Variants in LPAR1 observed in about 807,000 individuals in gnomAD.
LPAR1 encodes the protein LPA receptor 1.
A neutral mutation model predicts 23.8 loss-of-function variants in LPAR1; 5 were observed. That is an observed-to-expected ratio of 0.21 (90% CI 0.11 to 0.44). The LOEUF (loss-of-function observed/expected upper bound fraction) is 0.44, where lower values mean the gene tolerates loss of function less well. Among genes scored for constraint, LPAR1 ranks in the 20% least tolerant of loss-of-function variants. LPAR1 has a pLI of 0.99. For synonymous variants in LPAR1, 160 were observed against 164.7 expected (o/e 0.97, Z 0.22); for missense variants, 311 against 482.8 (o/e 0.64, Z 3.33).
intron 4 of LPAR1, among the ~76,000 whole-genome samples, chr9:110,961,240 G>A (rs572037439): frequency 6.7e-6 from 1 of 149,198 alleles, no homozygotes; most frequent in Non-Finnish European, 1.5e-5. Context: ...GCCAAATGTG[G>A]TCCTAAGACT....
At chr9:110,973,790 A>G (rs2096488254) in intron 2 of LPAR1, among the ~76,000 whole-genome samples, 1 of 152,212 alleles carries the variant, frequency 6.6e-6, no homozygotes, top group Admixed American at 6.5e-5. Flanking sequence ...TTAAGAAAAT[A>G]ATTTTTAAAA....
At chr9:110,896,347 G>A (rs2086327910) in intron 5 of LPAR1, among the ~76,000 whole-genome samples, 1 of 152,086 alleles carries the variant, frequency 6.6e-6, no homozygotes, top group Non-Finnish European at 1.5e-5. Context: ...AAGTTTTGAG[G>A]TGCAATTACA....
At chr9:111,017,479 T>A (rs1309737263) in intron 2 of LPAR1, among the ~76,000 whole-genome samples, 1 of 152,232 alleles carries the variant, frequency 6.6e-6, no homozygotes, top group Non-Finnish European at 1.5e-5. Flanking sequence ...AAGCTCACTT[T>A]ATTTCCCCAA....
chr9:110,920,602 A>C (rs1288884495), intron 5 of LPAR1, among the ~76,000 whole-genome samples: 1 of 152,148 alleles, frequency 6.6e-6, no homozygotes, highest in Non-Finnish European at 1.5e-5. Flanking sequence ...CTTTTGAAAT[A>C]CTAAAGGCAA....
intron 2 of LPAR1, among the ~76,000 whole-genome samples, chr9:111,028,962 C>A (rs1350696544): frequency 6.6e-6 from 1 of 152,030 alleles, no homozygotes; most frequent in Non-Finnish European, 1.5e-5. Flanking sequence ...TTTTGTTCAC[C>A]CCAGTGGGTA....
intron 4 of LPAR1, among the ~76,000 whole-genome samples, chr9:110,944,153 C>T (rs1330907276): frequency 6.6e-6 from 1 of 152,144 alleles, no homozygotes; most frequent in African/African-American, 2.4e-5. Context: ...TGATTGCTGA[C>T]ATAACCCGCA....
At chr9:110,957,126 G>T (rs2095785266) in intron 4 of LPAR1, among the ~76,000 whole-genome samples, 1 of 151,912 alleles carries the variant, frequency 6.6e-6, no homozygotes, top group Non-Finnish European at 1.5e-5. Flanking sequence ...CCAGAATTTT[G>T]GGAGGTCAAG....
At position 110,875,174 on chromosome 9, in the gene LPAR1, T is replaced by C. The variant is rs1026440202; in HGVS notation, c.*247A>G. 3.4e-5 allele frequency: 14 copies of C among 409,234 alleles called. No homozygotes were observed. The highest frequency in any genetic ancestry group is 2.0e-4 in the African/African-American group (10 of 50,248). The allele number at this position is 409,234 out of a possible 1,614,324, so 25.4% of individuals were successfully genotyped here. On this transcript the variant is annotated 3_prime_UTR_variant, in exon 6 of 6. Coordinates refer to ENST00000683809, the MANE Select transcript of LPAR1 (RefSeq NM_001351411.2). ...CTCCAGAGTCTGTTCTTGAATTCCA[T>C]TGCAAGAGCTCCAACTTCCTACTTT...
chr9:110,880,083 C>T (rs573900), intron 5 of LPAR1, among the ~76,000 whole-genome samples: 56,315 of 151,990 alleles, frequency 0.37, 10,748 homozygotes, highest in East Asian at 0.55. Flanking sequence ...TCTCACAGCA[C>T]GCTGAACAAA....
chr9:111,019,238 T>A (rs1471507570), intron 2 of LPAR1, among the ~76,000 whole-genome samples: 2 of 152,156 alleles, frequency 1.3e-5, no homozygotes, highest in African/African-American at 4.8e-5. Flanking sequence ...TTGGGAAGAT[T>A]GCTTGAGCCC....
Position 110,874,538 on chromosome 9 carries a change from T to C in LPAR1, c.*883A>G, listed in dbSNP as rs1352199795. 1 of 152,584 alleles carries C rather than the reference T, an allele frequency of 6.6e-6. No homozygotes were observed. The highest frequency in any genetic ancestry group is 2.4e-5 in the African/African-American group (1 of 41,446). The allele number at this position is 152,584 out of a possible 1,614,324, so 9.5% of individuals were successfully genotyped here. On this transcript the variant is annotated 3_prime_UTR_variant, in exon 6 of 6. Transcript: ENST00000683809. Reference sequence around the variant, plus strand: ...CATTTTTCAAGTTTTCTATGATGAGTATATTATTTTACAAAGACTACGAAA... The same window carrying C: ...CATTTTTCAAGTTTTCTATGATGAGCATATTATTTTACAAAGACTACGAAA...
At chr9:111,020,086 G>T (rs2141030884) in intron 2 of LPAR1, among the ~76,000 whole-genome samples, 1 of 152,110 alleles carries the variant, frequency 6.6e-6, no homozygotes, top group South Asian at 2.1e-4. Flanking sequence ...ATCAGATTAG[G>T]ACCCCACACT....
intron 4 of LPAR1, among the ~76,000 whole-genome samples, chr9:110,967,542 G>A (rs1004904548): frequency 9.2e-5 from 14 of 152,142 alleles, no homozygotes; most frequent in African/African-American, 3.4e-4. Flanking sequence ...CTTAGAAAAG[G>A]ATTTTCAGGC....
intron 2 of LPAR1, among the ~76,000 whole-genome samples, chr9:111,028,675 A>G (rs2097744968): frequency 1.3e-5 from 2 of 150,914 alleles, no homozygotes; most frequent in South Asian, 4.2e-4. Flanking sequence ...ACTTTTTAGT[A>G]GGCAACTAAA....
intron 5 of LPAR1, among the ~76,000 whole-genome samples, chr9:110,898,551 A>G (rs2087328606): frequency 6.6e-6 from 1 of 152,194 alleles, no homozygotes. Context: ...AAATGTTTCA[A>G]AAGTTGCAAG....
chr9:110,903,882 CA>C (rs61456167), intron 5 of LPAR1, among the ~76,000 whole-genome samples: 2,483 of 76,964 alleles, frequency 0.032, 21 homozygotes, highest in African/African-American at 0.1. Flanking sequence ...AAGTGAATTG[CA>C]AAAAAAAAAA....
intron 5 of LPAR1, among the ~76,000 whole-genome samples, chr9:110,908,954 A>G (rs2091915782): frequency 6.6e-6 from 1 of 152,134 alleles, no homozygotes. Flanking sequence ...CTTGAAACTT[A>G]TATTTATTTT....
intron 5 of LPAR1, among the ~76,000 whole-genome samples, chr9:110,915,144 T>C (rs944148897): frequency 2.6e-5 from 4 of 152,210 alleles, no homozygotes; most frequent in African/African-American, 7.2e-5. Flanking sequence ...TTATGATTCA[T>C]AGTTTTTCTT....
At chr9:110,968,811 G>A (rs147261005) in intron 4 of LPAR1, among the ~76,000 whole-genome samples, 1 of 152,302 alleles carries the variant, frequency 6.6e-6, no homozygotes, top group Non-Finnish European at 1.5e-5. Flanking sequence ...TGGGCAATAT[G>A]TGCCCAGAAT....
Sources: allele counts gnomAD v4.1 joint callset (sites outside exome capture counted in the v4.1 genomes callset), GRCh38; gene constraint gnomAD v4.1.1; transcripts MANE v1.5; gene names NCBI Gene and HGNC (gene_info 2026-07-23, HGNC 2026-07-21).